POR: variants seen among roughly 807,000 people sequenced by gnomAD.
POR encodes cytochrome p450 oxidoreductase.
In POR, 56 loss-of-function variants were observed where a neutral mutation model predicts 84.0. The observed-to-expected ratio is 0.67, with a 90% CI of 0.54 to 0.83. The LOEUF is 0.83. Ranked by LOEUF, POR falls within the 40% of genes least tolerant of loss-of-function variation. The pLI is 0.00. For missense variants in POR, 938 were observed against 944.3 expected, an observed-to-expected ratio of 0.99 and a Z score of 0.09; for synonymous variants, 414 against 400.5, an observed-to-expected ratio of 1.03 and a Z score of -0.40.
intron 3 of POR, among the ~76,000 whole-genome samples, chr7:75,975,939 A>G (rs1295745951): frequency 6.8e-6 from 1 of 147,832 alleles, no homozygotes; most frequent in African/African-American, 2.5e-5. Context: ...GGTGTGAGCC[A>G]CTGCACCCAG....
chr7:75,944,709 G>T (rs1444492919), intron 1 of POR, among the ~76,000 whole-genome samples: 1 of 152,102 alleles, frequency 6.6e-6, no homozygotes, highest in Admixed American at 6.6e-5. Context: ...ATATAGAGAA[G>T]AATGAAACAG....
At chr7:75,983,232 T>C (rs2116610314) in intron 8 of POR, 1 of 335,062 alleles carries the variant, frequency 3.0e-6, no homozygotes, top group South Asian at 5.1e-5. Context: ...TTCCAGCTGC[T>C]CAGGAGGCTG....
At chr7:75,945,981 G>T (rs548527133) in intron 1 of POR, among the ~76,000 whole-genome samples, 14 of 152,080 alleles carry the variant, frequency 9.2e-5, no homozygotes, top group Admixed American at 2.6e-4. Context: ...TTCAGAAGCT[G>T]GTGAGGCTCC....
chr7:75,973,780 C>G (rs1788551246), intron 3 of POR, among the ~76,000 whole-genome samples: 1 of 134,362 alleles, frequency 7.4e-6, no homozygotes, highest in African/African-American at 2.8e-5. Context: ...CTCCTCGGTT[C>G]AAGTGATTCT....
At chr7:75,954,298 A>C in intron 2 of POR, 118 bp downstream of exon 2, 6 of 1,102,866 alleles carry the variant, frequency 5.4e-6, no homozygotes, top group Non-Finnish European at 7.8e-6. Context: ...TTTTGGGGTG[A>C]CTCTTGGGTT....
At chr7:75,924,012 A>T (rs1317526285) in intron 1 of POR, among the ~76,000 whole-genome samples, 10 of 152,168 alleles carry the variant, frequency 6.6e-5, no homozygotes, top group African/African-American at 2.4e-4. Flanking sequence ...GTCTGAAATC[A>T]CATTTTGTGG....
At position 75,985,109 on chromosome 7, in the gene POR, C is replaced by T; in HGVS notation, c.1300C>T (p.Leu434=). ...GGCCCGGAGGCACATCCTGGCCATC[C>T]TGCAGGACTGCCCGTCCCTGCGGCC... is the stretch of plus-strand genomic sequence containing the variant. The change falls in exon 12 of 16, where the codon CTG becomes TTG. Residue 434 remains leucine, a synonymous_variant. Transcript: ENST00000461988. 1 of 1,600,188 alleles carries T rather than the reference C, an allele frequency of 6.2e-7. No homozygotes were observed. Among genetic ancestry groups the T allele is most frequent in the Non-Finnish European group, 8.5e-7 (1 of 1,179,570 alleles).
chr7:75,959,216 T>A (rs1787824503), intron 2 of POR, among the ~76,000 whole-genome samples: 1 of 152,086 alleles, frequency 6.6e-6, no homozygotes, highest in African/African-American at 2.4e-5. Context: ...CTATAAAAAA[T>A]AGGAGAAAAC....
intron 1 of POR, among the ~76,000 whole-genome samples, chr7:75,936,347 C>T (rs1395390780): frequency 6.6e-6 from 1 of 151,366 alleles, no homozygotes; most frequent in Non-Finnish European, 1.5e-5. Context: ...GGCCTCAGCA[C>T]TTCTCCAGCC....
At position 75,986,802 on chromosome 7, in the gene POR, T is replaced by G; in HGVS notation, c.*321T>G. The G allele has an allele frequency of 7.0e-6, 4 of 574,082 alleles. 1 individual carries two copies. In the South Asian group the frequency reaches 9.5e-5, roughly 14 times the overall value. The allele number at this position is 574,082 out of a possible 1,614,324, so 35.6% of individuals were successfully genotyped here. On this transcript the variant is annotated 3_prime_UTR_variant, in exon 16 of 16. Transcript: ENST00000461988. ...GCCCCTCCACGTGATTTCCAGTGAG[T>G]GTAAATAATTTTAAATAACCTCTGG...
chr7:75,944,207 T>C (rs1279037458), intron 1 of POR, among the ~76,000 whole-genome samples: 1 of 152,074 alleles, frequency 6.6e-6, no homozygotes, highest in African/African-American at 2.4e-5. Flanking sequence ...TCCTTCCCTA[T>C]AAGCAGGTGA....
At chr7:75,958,812 C>T (rs1431950750) in intron 2 of POR, among the ~76,000 whole-genome samples, 3 of 151,964 alleles carry the variant, frequency 2.0e-5, no homozygotes, top group Non-Finnish European at 4.4e-5. Flanking sequence ...GACCCCCACC[C>T]CCCCGCCATC....
At chr7:75,981,685 G>T in intron 7 of POR, 79 bp downstream of exon 7, 1 of 1,177,380 alleles carries the variant, frequency 8.5e-7, no homozygotes. Flanking sequence ...ACAAGGGCTG[G>T]CAGTGGGTCG....
At chr7:75,943,984 C>A (rs1787068039) in intron 1 of POR, 1 of 415,248 alleles carries the variant, frequency 2.4e-6, no homozygotes, top group Admixed American at 2.9e-5. Flanking sequence ...AACCTCGACT[C>A]TTCAAGGAAG....
chr7:75,980,164 C>T (rs1347125603), intron 4 of POR, among the ~76,000 whole-genome samples, 175 bp from the exon 5 acceptor site: 1 of 152,208 alleles, frequency 6.6e-6, no homozygotes, highest in African/African-American at 2.4e-5. Flanking sequence ...CCACCTGGCA[C>T]AAATGCCCAT....
chr7:75,939,808 A>G (rs1807881099), intron 1 of POR, among the ~76,000 whole-genome samples: 2 of 152,034 alleles, frequency 1.3e-5, no homozygotes, highest in Admixed American at 6.6e-5. Context: ...GGGTTTCCCA[A>G]TGTTGGCCAG....
rs146559020 is a variant in POR at position 75,926,890 on chromosome 7, C to T, written c.-5+11711C>T. Among the ~76,000 whole-genome samples, 100 of 152,258 alleles carry T rather than the reference C, an allele frequency of 6.6e-4. No homozygotes were observed. The Middle Eastern group carries it at 0.01, about 16-fold the overall frequency. ...GGTGCAGGATAGCTCCACCCAGACA[C>T]GAGACCAATCCTGTGTCCTTCTGCA... On this transcript the variant is annotated intron_variant, in intron 1 of 15. Transcript: ENST00000461988.
rs782630847 is a variant in POR at position 75,979,434 on chromosome 7, G to A, written c.238-17G>A. Reference sequence around the variant, plus strand: ...GAGGTCTGTGGCCCTCACCAACCCTGTGTCTGCCTTCCTTAGGGGAGGAAC... The same window carrying A: ...GAGGTCTGTGGCCCTCACCAACCCTATGTCTGCCTTCCTTAGGGGAGGAAC... On this transcript the variant is annotated splice_polypyrimidine_tract_variant and intron_variant, in intron 3 of 15. Transcript: ENST00000461988. 3 of 1,611,398 alleles carry A rather than the reference G, an allele frequency of 1.9e-6. No homozygotes were observed. In the Admixed American group the frequency reaches 5.0e-5, roughly 27 times the overall value.
chr7:75,954,663 C>A (rs1787602704), intron 2 of POR, among the ~76,000 whole-genome samples: 1 of 151,988 alleles, frequency 6.6e-6, no homozygotes, highest in East Asian at 1.9e-4. Flanking sequence ...CCTCAGCCTC[C>A]CGAGTAGCTG....
Sources: allele counts gnomAD v4.1 joint callset (sites outside exome capture counted in the v4.1 genomes callset), GRCh38; gene constraint gnomAD v4.1.1; transcripts MANE v1.5; gene names NCBI Gene and HGNC (gene_info 2026-07-23, HGNC 2026-07-21).